The following PPM1D variants were observed in gnomAD, a reference collection of about 807,000 sequenced individuals.
PPM1D encodes the protein protein phosphatase, Mg2+/Mn2+ dependent 1D.
Under a neutral mutation model 58.3 loss-of-function variants are expected in PPM1D, and 52 were observed. That is an observed-to-expected ratio of 0.89 (90% CI 0.71 to 1.12). The LOEUF is 1.12. Ranked by LOEUF, PPM1D falls within the 50% of genes most tolerant of loss-of-function variation. PPM1D has a pLI of 0.00. For missense variants in PPM1D, 564 were observed against 777.2 expected, an observed-to-expected ratio of 0.73 and a Z score of 3.26; for synonymous variants, 278 against 285.1, an observed-to-expected ratio of 0.98 and a Z score of 0.25.
At chr17:60,648,454 G>A (rs770831587) in intron 4 of PPM1D, among the ~76,000 whole-genome samples, 3 of 144,688 alleles carry the variant, frequency 2.1e-5, no homozygotes, top group Non-Finnish European at 4.5e-5. Flanking sequence ...GCACAATCTC[G>A]GCTCACTGCA....
intron 1 of PPM1D, among the ~76,000 whole-genome samples, chr17:60,613,526 C>A (rs1199513670): frequency 6.6e-6 from 1 of 152,264 alleles, no homozygotes; most frequent in Non-Finnish European, 1.5e-5. Flanking sequence ...CTTGAGGAGC[C>A]CTTCAGCCCG....
At chr17:60,613,049 A>C (rs750829078) in intron 1 of PPM1D, among the ~76,000 whole-genome samples, 2 of 152,210 alleles carry the variant, frequency 1.3e-5, no homozygotes, top group Non-Finnish European at 1.5e-5. Flanking sequence ...CTAACCTATC[A>C]GTTAAGAGCT....
chr17:60,635,728 T>C (rs1319556515), intron 3 of PPM1D, among the ~76,000 whole-genome samples: 5 of 152,184 alleles, frequency 3.3e-5, no homozygotes, highest in African/African-American at 9.6e-5. Context: ...GGAATACCAA[T>C]TGGGAGACTC....
At chr17:60,648,340 C>A (rs184361929) in intron 4 of PPM1D, among the ~76,000 whole-genome samples, 1 of 151,494 alleles carries the variant, frequency 6.6e-6, no homozygotes. Context: ...TTGCTAATTC[C>A]TTATTTTTTT....
intron 3 of PPM1D, among the ~76,000 whole-genome samples, chr17:60,640,507 TC>T (rs2143688132): frequency 6.6e-6 from 1 of 152,332 alleles, no homozygotes; most frequent in East Asian, 1.9e-4. Flanking sequence ...CCACCATTCA[TC>T]CTAGATTTGT....
chr17:60,626,520 T>TG, intron 2 of PPM1D, among the ~76,000 whole-genome samples: 2 of 151,628 alleles, frequency 1.3e-5, no homozygotes, highest in African/African-American at 4.8e-5. Context: ...TGAGCCTCTC[T>TG]AGTAGCTGGG....
At chr17:60,657,353 A>C (rs1401873787) in intron 5 of PPM1D, among the ~76,000 whole-genome samples, 1 of 152,228 alleles carries the variant, frequency 6.6e-6, no homozygotes, top group African/African-American at 2.4e-5. Flanking sequence ...TGAGTTTAAG[A>C]TATGCTTTGA....
At chr17:60,660,102 G>A (rs754199613) in intron 5 of PPM1D, among the ~76,000 whole-genome samples, 3 of 152,204 alleles carry the variant, frequency 2.0e-5, no homozygotes, top group African/African-American at 7.2e-5. Flanking sequence ...TTGGGAGGCC[G>A]AGGCAGGCTG....
At chr17:60,630,507 A>G (rs1003458459) in intron 2 of PPM1D, among the ~76,000 whole-genome samples, 2 of 152,174 alleles carry the variant, frequency 1.3e-5, no homozygotes, top group Admixed American at 6.5e-5. Flanking sequence ...GCAACGGGCC[A>G]GCATTTTGTT....
rs546413915 is a variant in PPM1D, at chr17:60,627,385, G to A, written c.701+3636G>A. 1.2e-4 allele frequency among the ~76,000 whole-genome samples: 19 copies of A among 152,004 alleles called. No individual in the cohort carries two copies. The South Asian group carries it at 2.3e-3, about 18-fold the overall frequency. On this transcript the variant is annotated intron_variant, in intron 2 of 5. Transcript: ENST00000305921. ...TAGTCTCTTGAGAGCTGGGACTACA[G>A]GTGCACGTGTGCCAACATGCCAGCT... is the stretch of plus-strand genomic sequence containing the variant.
chr17:60,616,079 C>T (rs941713080), intron 1 of PPM1D, among the ~76,000 whole-genome samples: 1 of 151,990 alleles, frequency 6.6e-6, no homozygotes, highest in Non-Finnish European at 1.5e-5. Flanking sequence ...GATCTCGGCT[C>T]ACTGCAGCTT....
chr17:60,619,497 A>G (rs750873023), intron 1 of PPM1D, among the ~76,000 whole-genome samples: 17 of 152,184 alleles, frequency 1.1e-4, no homozygotes, highest in East Asian at 3.8e-4. Context: ...TTACATTTCT[A>G]TCAGCAGTGT....
intron 4 of PPM1D, among the ~76,000 whole-genome samples, chr17:60,649,951 TTCTG>T (rs1242858257): frequency 1.3e-5 from 2 of 152,326 alleles, no homozygotes; most frequent in African/African-American, 4.8e-5. Context: ...ATAAAGACTC[TTCTG>T]TCTAATGGAT....
At chr17:60,619,845 C>T (rs2030662354) in intron 1 of PPM1D, among the ~76,000 whole-genome samples, 1 of 152,116 alleles carries the variant, frequency 6.6e-6, no homozygotes, top group Non-Finnish European at 1.5e-5. Flanking sequence ...AGCGATCTTC[C>T]TGTCTCATTT....
At chr17:60,615,421 A>G (rs2030562372) in intron 1 of PPM1D, among the ~76,000 whole-genome samples, 1 of 152,024 alleles carries the variant, frequency 6.6e-6, no homozygotes, top group Non-Finnish European at 1.5e-5. Flanking sequence ...GGAAAAAATG[A>G]AAAGAATACT....
chr17:60,625,259 G>C (rs989690995), intron 2 of PPM1D, among the ~76,000 whole-genome samples: 4 of 152,206 alleles, frequency 2.6e-5, no homozygotes, highest in African/African-American at 7.2e-5. Context: ...TAAACATTTG[G>C]TGAAATAAAA....
At chr17:60,635,423 C>G (rs1049752092) in intron 3 of PPM1D, among the ~76,000 whole-genome samples, 14 of 152,238 alleles carry the variant, frequency 9.2e-5, no homozygotes, top group Admixed American at 5.2e-4. Flanking sequence ...CTATGTTGGT[C>G]AGACTGGTCT....
rs916718927 is a variant in PPM1D, at chr17:60,601,264, G to A, written c.472+378G>A. ...TGGGCCAGGCGAAGGAAAAACTGTA[G>A]TGTTTCCTTAGAGAATCTGTCATAA... On this transcript the variant is annotated intron_variant, in intron 1 of 5. Transcript: ENST00000305921. Among the ~76,000 whole-genome samples the A allele has an allele frequency of 1.1e-4, 17 of 152,222 alleles. 1 individual carries two copies. The highest frequency in any genetic ancestry group is 4.1e-4 in the African/African-American group (17 of 41,464).
At chr17:60,613,418 C>T (rs538880182) in intron 1 of PPM1D, among the ~76,000 whole-genome samples, 1 of 152,240 alleles carries the variant, frequency 6.6e-6, no homozygotes, top group African/African-American at 2.4e-5. Flanking sequence ...TGCCTAGGTT[C>T]GAATTCCAGC....
Sources: gnomAD v4.1 joint callset for allele counts (sites outside exome capture counted in the v4.1 genomes callset) on GRCh38, gnomAD v4.1.1 for gene constraint, MANE v1.5 for transcripts, NCBI Gene and HGNC (gene_info 2026-07-23, HGNC 2026-07-21) for gene names.